Variants in VTA1 observed in about 807,000 individuals in gnomAD.
The protein encoded by VTA1 is vacuolar protein sorting-associated protein VTA1 homolog.
Under a neutral mutation model 36.9 loss-of-function variants are expected in VTA1, and 24 were observed. The observed-to-expected ratio is 0.65, with a 90% CI of 0.47 to 0.91. VTA1 has a LOEUF of 0.91. Ranked by LOEUF, VTA1 falls within the 40% of genes least tolerant of loss-of-function variation. The pLI is 0.00. For synonymous variants in VTA1, 142 were observed against 130.2 expected (o/e 1.09, Z -0.62); for missense variants, 393 against 377.2 (o/e 1.04, Z -0.35).
chr6:142,179,229 G>A (rs1283179858), intron 4 of VTA1, among the ~76,000 whole-genome samples: 1 of 151,956 alleles, frequency 6.6e-6, no homozygotes, highest in East Asian at 1.9e-4. Context: ...ATAAATTGTT[G>A]TCTAGAATGT....
rs1473996782 is a variant in VTA1, at chr6:142,220,636, A to G, written c.*1993A>G. ...ATAATTTATTTCCCTAATATCAGGA[A>G]ATCCCAGTTGTCTATGTGGCCCAGT... On this transcript the variant is annotated 3_prime_UTR_variant, in exon 8 of 8. Coordinates refer to ENST00000367630, the MANE Select transcript of VTA1 (RefSeq NM_016485.5). The G allele has an allele frequency of 1.3e-5, 2 of 152,192 alleles. No individual in the cohort carries two copies. The highest frequency in any genetic ancestry group is 2.9e-5 in the Non-Finnish European group (2 of 68,022). 9.4% of individuals were successfully genotyped at this position (152,192 alleles called of 1,614,324 possible).
rs150219580 is a variant in VTA1 at position 142,167,293 on chromosome 6, G to A, written c.207+971G>A. ...AGTCACACTTAGTAATGAGGACTCT[G>A]TCCTGTAACTCCTGGACCCAGCCAT... On this transcript the variant is annotated intron_variant, in intron 2 of 7. Transcript: ENST00000367630. 2.0e-3 allele frequency among the ~76,000 whole-genome samples: 306 copies of A among 152,278 alleles called. 1 individual carries two copies. Among genetic ancestry groups the A allele is most frequent in the Non-Finnish European group, 3.4e-3 (230 of 68,024 alleles).
chr6:142,151,990 G>A (rs2114627379), intron 1 of VTA1, among the ~76,000 whole-genome samples: 1 of 152,272 alleles, frequency 6.6e-6, no homozygotes, highest in Non-Finnish European at 1.5e-5. Context: ...CTGAGATCGT[G>A]CAATTGCACT....
In VTA1 at chr6:142,147,606, G is replaced by T. The variant is rs114446414; in HGVS notation, c.112+207G>T. 4.4e-3 allele frequency among the ~76,000 whole-genome samples: 677 copies of T among 152,244 alleles called. 7 individuals carry two copies. The highest frequency in any genetic ancestry group is 0.015 in the African/African-American group (637 of 41,530). ...TGGTGTCCACTGCTTCTCCTATCTT[G>T]TGCTTAAATGCTCCAGTACTGACTA... On this transcript the variant is annotated intron_variant, in intron 1 of 7. Coordinates refer to ENST00000367630, the MANE Select transcript of VTA1 (RefSeq NM_016485.5).
At chr6:142,183,615 T>C (rs1005647959) in intron 4 of VTA1, among the ~76,000 whole-genome samples, 6 of 152,160 alleles carry the variant, frequency 3.9e-5, no homozygotes, top group African/African-American at 1.4e-4. Flanking sequence ...GCAGTTCCTG[T>C]CTCTTAGAAA....
chr6:142,179,336 A>G (rs1453171519), intron 4 of VTA1, among the ~76,000 whole-genome samples: 1 of 152,038 alleles, frequency 6.6e-6, no homozygotes, highest in African/African-American at 2.4e-5. Flanking sequence ...AATGCTAAAC[A>G]TACTCCCTTT....
chr6:142,196,134 C>A (rs757690640), intron 5 of VTA1, among the ~76,000 whole-genome samples: 2 of 152,014 alleles, frequency 1.3e-5, no homozygotes, highest in Non-Finnish European at 2.9e-5. Context: ...ATGAACTAAC[C>A]TTTTTATTAT....
chr6:142,207,367 C>A (rs928718932), intron 7 of VTA1, among the ~76,000 whole-genome samples: 2 of 151,896 alleles, frequency 1.3e-5, no homozygotes, highest in Non-Finnish European at 2.9e-5. Context: ...TCACTGAAGA[C>A]CAGCAGAGAC....
At position 142,223,457 on chromosome 6, in the gene VTA1, CG is replaced by C. The variant is rs1483062716; in HGVS notation, c.*4816del. ...ATCTTCAGGAAATAAGATTGAGATA[CG>C]GACTGAAAATATAAAATTAGCAATA... On this transcript the variant is annotated 3_prime_UTR_variant, in exon 8 of 8. Transcript: ENST00000367630. The C allele has an allele frequency of 6.6e-6, 1 of 152,106 alleles. No homozygotes were observed. The highest frequency in any genetic ancestry group is 2.4e-5 in the African/African-American group (1 of 41,422). The allele number at this position is 152,106 out of a possible 1,614,324, so 9.4% of individuals were successfully genotyped here. A position where few individuals can be genotyped will look rare whatever the true frequency, so the allele number is the denominator to read the frequency against.
At chr6:142,203,339 T>C (rs1293589313) in intron 6 of VTA1, among the ~76,000 whole-genome samples, 1 of 152,122 alleles carries the variant, frequency 6.6e-6, no homozygotes, top group Non-Finnish European at 1.5e-5. Context: ...TTCCTCATTT[T>C]ATTTTCCTGC....
At chr6:142,162,952 TTTAA>T (rs1304116644) in intron 1 of VTA1, among the ~76,000 whole-genome samples, 2 of 152,136 alleles carry the variant, frequency 1.3e-5, no homozygotes, top group South Asian at 4.1e-4. Flanking sequence ...GAGGTGGCAG[TTTAA>T]TTATAGAATG....
chr6:142,181,693 T>C (rs1239252120), intron 4 of VTA1, among the ~76,000 whole-genome samples: 1 of 151,948 alleles, frequency 6.6e-6, no homozygotes, highest in East Asian at 1.9e-4. Context: ...CCTTACCTTG[T>C]TTGGAAATCT....
At chr6:142,215,970 T>C (rs1007929080) in intron 7 of VTA1, among the ~76,000 whole-genome samples, 4 of 152,198 alleles carry the variant, frequency 2.6e-5, no homozygotes. Context: ...AGCCCTCTTA[T>C]ATATAGATGG....
In VTA1 at chr6:142,224,233, G is replaced by A. The variant is rs1011017766; in HGVS notation, c.*5590G>A. The A allele has an allele frequency of 3.3e-5, 5 of 152,182 alleles. No individual in the cohort carries two copies. Among genetic ancestry groups the A allele is most frequent in the Admixed American group, 6.5e-5 (1 of 15,280 alleles). 9.4% of individuals were successfully genotyped at this position (152,182 alleles called of 1,614,324 possible). ...TGAGGACACGCAGAGGCTCGAATATGCTCTCAACCCTATCAGTTGCCTGCT... is the reference window on the plus strand; with the variant it reads ...TGAGGACACGCAGAGGCTCGAATATACTCTCAACCCTATCAGTTGCCTGCT... On this transcript the variant is annotated 3_prime_UTR_variant, in exon 8 of 8. Transcript: ENST00000367630.
intron 5 of VTA1, among the ~76,000 whole-genome samples, chr6:142,195,386 A>G (rs1423777541): frequency 6.6e-6 from 1 of 151,876 alleles, no homozygotes; most frequent in Non-Finnish European, 1.5e-5. Flanking sequence ...TATTGTCTTC[A>G]CTGTCCTTTT....
intron 1 of VTA1, among the ~76,000 whole-genome samples, chr6:142,154,568 C>A (rs1396579447): frequency 6.6e-6 from 1 of 152,044 alleles, no homozygotes; most frequent in Non-Finnish European, 1.5e-5. Flanking sequence ...GCATCTGTAC[C>A]ATTTTACACT....
chr6:142,218,510 T>G lies in VTA1; in HGVS notation c.791T>G (p.Leu264Arg). 6.2e-7 allele frequency: 1 copy of G among 1,613,118 alleles called. No individual in the cohort carries two copies. The highest frequency in any genetic ancestry group is 8.5e-7 in the Non-Finnish European group (1 of 1,179,576). Reference sequence around the variant, plus strand: ...CTTTTTCTTCTAGGGGATGTTCGTCTAACCCCAGAAGACTTTGCTAGAGCT... The same window carrying G: ...CTTTTTCTTCTAGGGGATGTTCGTCGAACCCCAGAAGACTTTGCTAGAGCT... ...FNTISQGDVR[L>R]TPEDFARAQK... The change falls in exon 8 of 8, where the codon CTA (leucine) becomes CGA (arginine). Residue 264 changes from leucine (L) to arginine (R), a missense_variant. Leu to Arg is a moderately radical substitution (Grantham distance 102). Transcript: ENST00000367630.
chr6:142,212,344 A>G (rs1775920061), intron 7 of VTA1, among the ~76,000 whole-genome samples: 1 of 152,262 alleles, frequency 6.6e-6, no homozygotes, highest in Non-Finnish European at 1.5e-5. Context: ...CTAGAAGGAA[A>G]TGAGCTATCA....
At chr6:142,151,001 G>A (rs1280619337) in intron 1 of VTA1, among the ~76,000 whole-genome samples, 1 of 152,046 alleles carries the variant, frequency 6.6e-6, no homozygotes, top group African/African-American at 2.4e-5. Flanking sequence ...TAAGGGGGAT[G>A]CAGGGAGTCA....
Sources: allele counts gnomAD v4.1 joint callset (sites outside exome capture counted in the v4.1 genomes callset), GRCh38; gene constraint gnomAD v4.1.1; transcripts MANE v1.5; gene names NCBI Gene and HGNC (gene_info 2026-07-23, HGNC 2026-07-21).